YAF2: variants seen among roughly 807,000 people sequenced by gnomAD.
YAF2 encodes the protein YY1 associated factor 2.
YAF2 carries 7 observed loss-of-function variants against 20.1 expected under a neutral mutation model. The ratio of observed to expected loss-of-function variants is 0.35; its 90% CI spans 0.20 to 0.65. The LOEUF (loss-of-function observed/expected upper bound fraction) is 0.65, where lower values mean the gene tolerates loss of function less well. Among genes scored for constraint, YAF2 ranks in the 30% least tolerant of loss-of-function variants. The pLI is 0.69. For synonymous variants in YAF2, 74 were observed against 76.0 expected, an observed-to-expected ratio of 0.97 and a Z score of 0.14; for missense variants, 151 against 219.2, an observed-to-expected ratio of 0.69 and a Z score of 1.96.
chr12:42,179,614 C>A (rs2066288408), intron 2 of YAF2, among the ~76,000 whole-genome samples: 1 of 151,748 alleles, frequency 6.6e-6, no homozygotes, highest in Middle Eastern at 3.2e-3. Flanking sequence ...CATGGTGAAA[C>A]CCCATCTCTA....
chr12:42,161,491 T>TAATAAA, intron 3 of YAF2, 122 bp downstream of exon 3: 3 of 1,112,550 alleles, frequency 2.7e-6, no homozygotes, highest in Non-Finnish European at 3.6e-6. Context: ...CCTTTCCTGA[T>TAATAAA]ACCTTATAAT....
intron 2 of YAF2, among the ~76,000 whole-genome samples, chr12:42,221,054 T>C (rs1022204431): frequency 2.0e-5 from 3 of 152,146 alleles, no homozygotes; most frequent in Admixed American, 2.0e-4. Flanking sequence ...TTAGTAAATA[T>C]AGGAAAAAAG....
At chr12:42,174,870 C>T (rs2066140640) in intron 2 of YAF2, among the ~76,000 whole-genome samples, 1 of 152,092 alleles carries the variant, frequency 6.6e-6, no homozygotes, top group Non-Finnish European at 1.5e-5. Context: ...TAGATTATGA[C>T]ATTGAAAGTA....
rs2066883990 is a variant in YAF2, at chr12:42,200,975, T to C, written c.152+36624A>G. On this transcript the variant is annotated intron_variant, in intron 2 of 3. Coordinates refer to ENST00000534854, the MANE Select transcript of YAF2 (RefSeq NM_005748.6). ...ACCTCTTTCTGACTTTTCATGAGGA[T>C]TACAACAGTTAAGATTCATAAAGGG... 2.6e-5 allele frequency among the ~76,000 whole-genome samples: 4 copies of C among 152,126 alleles called. No homozygotes were observed. The South Asian group carries it at 6.2e-4, about 24-fold the overall frequency.
chr12:42,176,601 C>T (rs753962194), intron 2 of YAF2, among the ~76,000 whole-genome samples: 12 of 152,174 alleles, frequency 7.9e-5, no homozygotes, highest in South Asian at 4.1e-4. Flanking sequence ...TCCATCCCCA[C>T]CTTCAAAATA....
At chr12:42,193,931 T>C (rs1349573641) in intron 2 of YAF2, among the ~76,000 whole-genome samples, 1 of 152,184 alleles carries the variant, frequency 6.6e-6, no homozygotes, top group Non-Finnish European at 1.5e-5. Context: ...TAGGCTAATG[T>C]ATGTGTCTGT....
At chr12:42,180,123 C>G (rs1443080998) in intron 2 of YAF2, among the ~76,000 whole-genome samples, 1 of 152,134 alleles carries the variant, frequency 6.6e-6, no homozygotes, top group Admixed American at 6.5e-5. Context: ...CACTAGTAAT[C>G]CCTGCCTCCT....
Position 42,216,266 on chromosome 12 carries a change from C to T in YAF2, c.152+21333G>A, listed in dbSNP as rs78286342. On this transcript the variant is annotated intron_variant, in intron 2 of 3. Coordinates refer to ENST00000534854, the MANE Select transcript of YAF2 (RefSeq NM_005748.6). Reference sequence around the variant, plus strand: ...CATGAAAAGCTGAGGACAATCACTACGCAAAAGTATTATCTTGTTACAACT... The same window carrying T: ...CATGAAAAGCTGAGGACAATCACTATGCAAAAGTATTATCTTGTTACAACT... Among the ~76,000 whole-genome samples, 1,115 of 152,208 alleles carry T rather than the reference C, an allele frequency of 7.3e-3. 40 individuals are homozygous for T. The East Asian group carries it at 0.085, about 12-fold the overall frequency.
chr12:42,235,507 C>A, intron 2 of YAF2: 1 of 1,278,058 alleles, frequency 7.8e-7, no homozygotes, highest in Non-Finnish European at 1.0e-6. Context: ...TAACAGATAA[C>A]AGAGAAATTA....
intron 2 of YAF2, among the ~76,000 whole-genome samples, chr12:42,226,488 AC>A (rs2067702073): frequency 6.6e-6 from 1 of 151,888 alleles, no homozygotes; most frequent in Non-Finnish European, 1.5e-5. Flanking sequence ...ATAGGGAGAC[AC>A]CCCCTCTCTA....
chr12:42,214,362 C>T (rs553959905), intron 2 of YAF2, among the ~76,000 whole-genome samples: 1 of 152,346 alleles, frequency 6.6e-6, no homozygotes, highest in South Asian at 2.1e-4. Flanking sequence ...ACCTCCCCTT[C>T]TTGGGCTCAA....
chr12:42,237,836 C>T (rs1186425062), intron 1 of YAF2, 112 bp from the exon 2 acceptor site: 1 of 940,038 alleles, frequency 1.1e-6, no homozygotes, highest in African/African-American at 1.8e-5. Context: ...TCTGCGACCC[C>T]CGCCCCGCGG....
intron 2 of YAF2, among the ~76,000 whole-genome samples, chr12:42,222,120 A>T (rs572337299): frequency 7.3e-4 from 111 of 152,350 alleles, no homozygotes; most frequent in African/African-American, 2.5e-3. Context: ...CTTAACAACC[A>T]TGAAAGCCAA....
intron 2 of YAF2, among the ~76,000 whole-genome samples, chr12:42,162,043 T>C: frequency 6.6e-6 from 1 of 152,184 alleles, no homozygotes; most frequent in Non-Finnish European, 1.5e-5. Flanking sequence ...TAAGAAATTA[T>C]TTTAAATGTA....
rs564825229 is a variant in YAF2 at position 42,212,564 on chromosome 12, A to T, written c.152+25035T>A. ...ACTCACCACTGAATAAATGAAAGAA[A>T]ACAAAACAAACAAAAAATAAATGGG... On this transcript the variant is annotated intron_variant, in intron 2 of 3. Coordinates refer to ENST00000534854, the MANE Select transcript of YAF2 (RefSeq NM_005748.6). 4.7e-4 allele frequency: 141 copies of T among 299,678 alleles called. 1 individual carries two copies. Among genetic ancestry groups the T allele is most frequent in the South Asian group, 3.4e-3 (127 of 37,320 alleles). 18.6% of individuals were successfully genotyped at this position (299,678 alleles called of 1,614,324 possible).
At chr12:42,209,376 C>A (rs1211878451) in intron 2 of YAF2, among the ~76,000 whole-genome samples, 1 of 151,508 alleles carries the variant, frequency 6.6e-6, no homozygotes, top group Non-Finnish European at 1.5e-5. Flanking sequence ...TCAGCCTGGG[C>A]AACATGGCAA....
intron 2 of YAF2, among the ~76,000 whole-genome samples, chr12:42,163,593 C>T (rs1342399870): frequency 6.6e-6 from 1 of 152,134 alleles, no homozygotes; most frequent in Admixed American, 6.5e-5. Flanking sequence ...ATGTATACTA[C>T]ACAACTATTC....
chr12:42,209,503 G>T (rs2067143624), intron 2 of YAF2, among the ~76,000 whole-genome samples: 1 of 144,388 alleles, frequency 6.9e-6, no homozygotes, highest in Admixed American at 7.4e-5. Flanking sequence ...GGCAGAAGTT[G>T]CAGTAGGCCA....
chr12:42,235,591 G>C, intron 2 of YAF2: 1 of 1,434,464 alleles, frequency 7.0e-7, no homozygotes, highest in Non-Finnish European at 9.1e-7. Context: ...GAAGCTGAGA[G>C]GGTCGTGGTG....
Sources: gnomAD v4.1 joint callset for allele counts (sites outside exome capture counted in the v4.1 genomes callset) on GRCh38, gnomAD v4.1.1 for gene constraint, MANE v1.5 for transcripts, NCBI Gene and HGNC (gene_info 2026-07-23, HGNC 2026-07-21) for gene names.